The following COL21A1 variants were observed in gnomAD, a reference collection of about 807,000 sequenced individuals.
The protein encoded by COL21A1 is collagen alpha-1(XXI) chain.
A neutral mutation model predicts 137.9 loss-of-function variants in COL21A1; 149 were observed. The observed-to-expected ratio is 1.08, with a 90% CI of 0.95 to 1.24. The LOEUF is 1.24. Among genes scored for constraint, COL21A1 ranks in the 50% most tolerant of loss-of-function variants. The pLI, the probability that COL21A1 is intolerant of heterozygous loss-of-function variation, is 0.00. For synonymous variants in COL21A1, 456 were observed against 391.5 expected (o/e 1.16, Z -1.95); for missense variants, 1,167 against 1,158.4 (o/e 1.01, Z -0.11).
At chr6:56,105,611 A>C (rs1312278957) in intron 16 of COL21A1, among the ~76,000 whole-genome samples, 1 of 152,172 alleles carries the variant, frequency 6.6e-6, no homozygotes, top group Non-Finnish European at 1.5e-5. Context: ...CATGATTTCC[A>C]ACCAGTTGGT....
At chr6:56,352,565 G>A (rs932265793) in intron 1 of COL21A1, among the ~76,000 whole-genome samples, 2 of 152,024 alleles carry the variant, frequency 1.3e-5, no homozygotes, top group African/African-American at 4.8e-5. Context: ...AAATGCAGTT[G>A]AAGAAGGGGA....
intron 1 of COL21A1, among the ~76,000 whole-genome samples, chr6:56,239,828 T>G (rs962340819): frequency 3.3e-5 from 5 of 152,168 alleles, no homozygotes; most frequent in African/African-American, 4.8e-5. Context: ...TAGGAGGTGA[T>G]TAGGCCATAA....
chr6:56,159,806 T>C (rs962240089), intron 9 of COL21A1, among the ~76,000 whole-genome samples: 1 of 152,136 alleles, frequency 6.6e-6, no homozygotes, highest in Non-Finnish European at 1.5e-5. Context: ...TTAATCTCTA[T>C]CATCATCAGG....
chr6:56,164,636 C>G (rs1776437289), intron 8 of COL21A1, 130 bp from the exon 9 acceptor site: 1 of 871,342 alleles, frequency 1.1e-6, no homozygotes, highest in Non-Finnish European at 1.8e-6. Context: ...CAAATTTTAT[C>G]TAACCCAACC....
intron 1 of COL21A1, among the ~76,000 whole-genome samples, chr6:56,196,287 GC>G (rs1347939871): frequency 1.3e-5 from 2 of 152,050 alleles, no homozygotes; most frequent in Admixed American, 1.3e-4. Context: ...AAAGCTGAAA[GC>G]TTTTCCTCTA....
At chr6:56,327,663 C>T (rs1005320509) in intron 1 of COL21A1, among the ~76,000 whole-genome samples, 9 of 152,040 alleles carry the variant, frequency 5.9e-5, no homozygotes, top group African/African-American at 2.2e-4. Context: ...CAGAACCATA[C>T]CCAGTTTGGA....
chr6:56,146,395 T>G (rs1254165702), intron 10 of COL21A1, among the ~76,000 whole-genome samples: 1 of 152,146 alleles, frequency 6.6e-6, no homozygotes, highest in Non-Finnish European at 1.5e-5. Flanking sequence ...CAATTAAATT[T>G]CAAGAAAATT....
chr6:56,227,305 C>G (rs1285360851), intron 1 of COL21A1, among the ~76,000 whole-genome samples: 1 of 152,038 alleles, frequency 6.6e-6, no homozygotes, highest in African/African-American at 2.4e-5. Flanking sequence ...GGTCTCATAT[C>G]TAGACAAAGC....
intron 10 of COL21A1, among the ~76,000 whole-genome samples, chr6:56,144,831 G>T (rs1259950096): frequency 2.0e-5 from 3 of 152,180 alleles, no homozygotes. Context: ...AAAAGAACTT[G>T]CACTGAATGT....
intron 10 of COL21A1, among the ~76,000 whole-genome samples, chr6:56,153,235 A>G (rs771499794): frequency 2.0e-5 from 3 of 152,084 alleles, no homozygotes; most frequent in Non-Finnish European, 4.4e-5. Context: ...AATTCCCTCA[A>G]TTAAATTCCC....
chr6:56,299,661 CT>C (rs2152337080), intron 1 of COL21A1, among the ~76,000 whole-genome samples: 1 of 152,114 alleles, frequency 6.6e-6, no homozygotes, highest in African/African-American at 2.4e-5. Flanking sequence ...CTCATATTTT[CT>C]GATCAGACTT....
chr6:56,097,607 A>G (rs893549055), intron 17 of COL21A1, among the ~76,000 whole-genome samples: 4 of 150,618 alleles, frequency 2.7e-5, no homozygotes, highest in African/African-American at 9.8e-5. Flanking sequence ...TAGTGCAACA[A>G]CTCTAGACAG....
At chr6:56,061,069 T>C in intron 25 of COL21A1, 32 bp from the exon 26 acceptor site, 1 of 1,555,960 alleles carries the variant, frequency 6.4e-7, no homozygotes, top group Non-Finnish European at 8.7e-7. Context: ...ACAAGTTCTA[T>C]TTAAATATTT....
At chr6:56,320,848 A>T (rs775488599) in intron 1 of COL21A1, among the ~76,000 whole-genome samples, 1 of 152,066 alleles carries the variant, frequency 6.6e-6, no homozygotes, top group Non-Finnish European at 1.5e-5. Context: ...TTACATCTTC[A>T]TCTCACTATA....
intron 1 of COL21A1, among the ~76,000 whole-genome samples, chr6:56,341,686 T>C (rs1315219719): frequency 2.6e-5 from 4 of 152,192 alleles, no homozygotes; most frequent in Admixed American, 6.5e-5. Flanking sequence ...TCTAAACCCA[T>C]AGAATGTGCA....
At chr6:56,372,906 C>T (rs2093992269) in intron 1 of COL21A1, among the ~76,000 whole-genome samples, 1 of 152,134 alleles carries the variant, frequency 6.6e-6, no homozygotes, top group South Asian at 2.1e-4. Context: ...TGTGCCCTCC[C>T]AGTATAAAAA....
At chr6:56,200,015 A>C (rs900727807) in intron 1 of COL21A1, among the ~76,000 whole-genome samples, 3 of 152,176 alleles carry the variant, frequency 2.0e-5, no homozygotes, top group African/African-American at 7.2e-5. Flanking sequence ...TTTGGAGGTC[A>C]AAGAAGGCCT....
Position 56,369,500 on chromosome 6 carries a change from G to GA in COL21A1, c.-39+24470dup, listed in dbSNP as rs574780719. Among the ~76,000 whole-genome samples the GA allele has an allele frequency of 4.6e-5, 7 of 150,776 alleles. No individual in the cohort carries two copies. In the South Asian group the frequency reaches 1.0e-3, roughly 23 times the overall value. Reference sequence around the variant, plus strand: ...AGAGGCTTTTCTGGACATAAAGGTAGAAAAAAAATAAAGAAAAAAAACTGA... The same window carrying GA: ...AGAGGCTTTTCTGGACATAAAGGTAGAAAAAAAAATAAAGAAAAAAAACTGA... On this transcript the variant is annotated intron_variant, in intron 1 of 28. Coordinates refer to the COL21A1 transcript ENST00000370819.
At chr6:56,342,142 G>A (rs1050582767) in intron 1 of COL21A1, among the ~76,000 whole-genome samples, 3 of 152,108 alleles carry the variant, frequency 2.0e-5, no homozygotes, top group Non-Finnish European at 4.4e-5. Flanking sequence ...GTAATTTGTG[G>A]TTCTAGCTTT....
Sources: gnomAD v4.1 joint callset for allele counts (sites outside exome capture counted in the v4.1 genomes callset) on GRCh38, gnomAD v4.1.1 for gene constraint, MANE v1.5 for transcripts, NCBI Gene and HGNC (gene_info 2026-07-23, HGNC 2026-07-21) for gene names.